The following ZNF69 variants were observed in gnomAD, a reference collection of about 807,000 sequenced individuals.
ZNF69 encodes the protein ZNF3.
A neutral mutation model predicts 50.9 loss-of-function variants in ZNF69; 47 were observed. The ratio of observed to expected loss-of-function variants is 0.92; its 90% CI spans 0.73 to 1.18. The LOEUF is 1.18. ZNF69 is among the 50% of genes most tolerant of loss of function. The pLI, the probability that ZNF69 is intolerant of heterozygous loss-of-function variation, is 0.00. For missense variants in ZNF69, 717 were observed against 675.1 expected, an observed-to-expected ratio of 1.06 and a Z score of -0.69; for synonymous variants, 216 against 223.1, an observed-to-expected ratio of 0.97 and a Z score of 0.29.
the ZNF69 span, among the ~76,000 whole-genome samples, chr19:11,928,757 T>C: frequency 7.3e-6 from 1 of 136,354 alleles, no homozygotes; most frequent in Admixed American, 7.2e-5. Context: ...AAAAAGAAAG[T>C]AGTCTCTGTA....
chr19:11,937,585 T>C, the ZNF69 span, among the ~76,000 whole-genome samples: 8 of 150,664 alleles, frequency 5.3e-5, no homozygotes, highest in African/African-American at 2.0e-4. Context: ...ACCTCCCAGG[T>C]TCAAGCCATT....
In ZNF69 at chr19:11,903,239, C is replaced by T. The variant is rs193102177; in HGVS notation, c.64-334C>T. ...CACCTGAGGTCAGCAGCCTGACCAA[C>T]ATGGAGAAACCCCGTCTCCACTAAA... On this transcript the variant is annotated intron_variant, in intron 1 of 3. Transcript: ENST00000429654. Among the ~76,000 whole-genome samples, 63 of 152,286 alleles carry T rather than the reference C, an allele frequency of 4.1e-4. 1 individual carries two copies. The Middle Eastern group carries it at 0.01, about 25-fold the overall frequency.
the ZNF69 span, among the ~76,000 whole-genome samples, chr19:11,932,199 C>G: frequency 2.7e-5 from 4 of 147,080 alleles, no homozygotes; most frequent in Admixed American, 1.3e-4. Context: ...AAAAACTTAC[C>G]TGGTCATGGT....
At position 11,905,390 on chromosome 19, in the gene ZNF69, C is replaced by G; in HGVS notation, c.993C>G (p.Pro331=). The G allele has an allele frequency of 6.2e-7, 1 of 1,614,158 alleles. No homozygotes were observed. Among genetic ancestry groups the G allele is most frequent in the Non-Finnish European group, 8.5e-7 (1 of 1,180,026 alleles). ...AAAGGACCCACTCTAGGAAAAAACC[C>G]TATGAATGTACGCAGTGTGGGAAAG... The part of the protein sequence containing the change: ...IHERTHSRKK[P]YECTQCGKAL... Residue 331 remains proline (P), a synonymous_variant, in exon 4 of 4, where the codon CCC becomes CCG. Transcript: ENST00000429654.
chr19:11,891,932 T>C (rs1256046798), intron 1 of ZNF69, among the ~76,000 whole-genome samples: 1 of 152,094 alleles, frequency 6.6e-6, no homozygotes, highest in Non-Finnish European at 1.5e-5. Flanking sequence ...ATAAATATAA[T>C]AGGATTGCAT....
the ZNF69 span, chr19:11,925,313 G>T: frequency 2.9e-4 from 458 of 1,605,598 alleles, 4 homozygotes; most frequent in South Asian, 4.7e-3. Context: ...CGGGGGAGGG[G>T]CTGCCTGGAA....
chr19:11,888,734 A>G (rs1977008784), intron 1 of ZNF69, among the ~76,000 whole-genome samples: 1 of 152,138 alleles, frequency 6.6e-6, no homozygotes, highest in Non-Finnish European at 1.5e-5. Context: ...TTGGGAGGCC[A>G]AGGCGGGCGG....
At chr19:11,925,771 A>G in the ZNF69 span, among the ~76,000 whole-genome samples, 1 of 152,252 alleles carries the variant, frequency 6.6e-6, no homozygotes, top group African/African-American at 2.4e-5. Context: ...GTCAACGGAA[A>G]AAGCCAAACT....
chr19:11,923,434 C>T, the ZNF69 span, among the ~76,000 whole-genome samples: 1 of 152,218 alleles, frequency 6.6e-6, no homozygotes, highest in Non-Finnish European at 1.5e-5. Flanking sequence ...CGACTCTCTC[C>T]TCCCTGAGTT....
At chr19:11,890,757 G>A (rs1977066018) in intron 1 of ZNF69, among the ~76,000 whole-genome samples, 1 of 152,124 alleles carries the variant, frequency 6.6e-6, no homozygotes, top group African/African-American at 2.4e-5. Flanking sequence ...ACCTCGCCAG[G>A]CCAGAAGATA....
chr19:11,915,247 C>G (rs555914694), downstream of ZNF69, among the ~76,000 whole-genome samples: 2 of 152,126 alleles, frequency 1.3e-5, no homozygotes, highest in African/African-American at 4.8e-5. Flanking sequence ...GAATTCAACC[C>G]CTGCCTCATC....
At chr19:11,947,448 A>G in the ZNF69 span, 1 of 1,601,666 alleles carries the variant, frequency 6.2e-7, no homozygotes, top group East Asian at 2.2e-5. Flanking sequence ...TCATGGGCAC[A>G]GAATCTAATA....
At chr19:11,974,122 TTTCTTTTCTTTCTTTC>T in the ZNF69 span, among the ~76,000 whole-genome samples, 4 of 60,162 alleles carry the variant, frequency 6.6e-5, no homozygotes, top group African/African-American at 1.9e-4. Context: ...TCTTTCTTTC[TTTCTTTTCTTTCTTTC>T]TTTCTTTCTT....
At chr19:11,901,180 G>A (rs894061944) in intron 1 of ZNF69, among the ~76,000 whole-genome samples, 4 of 152,104 alleles carry the variant, frequency 2.6e-5, no homozygotes, top group South Asian at 2.1e-4. Flanking sequence ...CTCTGGGTTT[G>A]CATTTTTAGT....
the ZNF69 span, among the ~76,000 whole-genome samples, chr19:11,923,039 A>G: frequency 7.7e-4 from 117 of 152,204 alleles, no homozygotes; most frequent in African/African-American, 2.5e-3. Flanking sequence ...GTGGTCTTCA[A>G]CTTCGGGCTT....
chr19:11,902,871 G>A (rs928681602), intron 1 of ZNF69, among the ~76,000 whole-genome samples: 1 of 152,044 alleles, frequency 6.6e-6, no homozygotes, highest in Non-Finnish European at 1.5e-5. Context: ...ACAGTCCAAA[G>A]AGACATTAGG....
At chr19:11,922,137 A>AG in the ZNF69 span, among the ~76,000 whole-genome samples, 3 of 152,014 alleles carry the variant, frequency 2.0e-5, no homozygotes, top group African/African-American at 7.2e-5. Context: ...AAAAAAAAAA[A>AG]GAGACAGATT....
At chr19:11,975,546 C>T in the ZNF69 span, among the ~76,000 whole-genome samples, 371 of 152,136 alleles carry the variant, frequency 2.4e-3, 2 homozygotes, top group African/African-American at 8.5e-3. Flanking sequence ...TACAGGCGCC[C>T]GCCACCGCGT....
chr19:11,951,150 CAAAAAA>C, the ZNF69 span, among the ~76,000 whole-genome samples: 2 of 65,074 alleles, frequency 3.1e-5, no homozygotes, highest in African/African-American at 9.2e-5. Context: ...ACTCCATCTC[CAAAAAA>C]AAAAAAAAAA....
Sources: gnomAD v4.1 joint callset for allele counts (sites outside exome capture counted in the v4.1 genomes callset) on GRCh38, gnomAD v4.1.1 for gene constraint, MANE v1.5 for transcripts, NCBI Gene and HGNC (gene_info 2026-07-23, HGNC 2026-07-21) for gene names.